The following HHIPL1 variants were observed in gnomAD, a reference collection of about 807,000 sequenced individuals.
HHIPL1 encodes the protein HHIP like 1, also known as HHIP-like protein 1.
HHIPL1 carries 43 observed loss-of-function variants against 61.8 expected under a neutral mutation model. The observed-to-expected ratio is 0.70, with a 90% CI of 0.55 to 0.90. The LOEUF (loss-of-function observed/expected upper bound fraction) is 0.90. HHIPL1 is among the 40% of genes least tolerant of loss of function. HHIPL1 has a pLI of 0.00. For synonymous variants in HHIPL1, 482 were observed against 515.8 expected, an observed-to-expected ratio of 0.93 and a Z score of 0.89; for missense variants, 1,056 against 1,157.7, an observed-to-expected ratio of 0.91 and a Z score of 1.28.
At chr14:99,670,114 CT>C (rs766131828) in intron 7 of HHIPL1, among the ~76,000 whole-genome samples, 453 of 144,296 alleles carry the variant, frequency 3.1e-3, no homozygotes, top group Non-Finnish European at 3.9e-3. Flanking sequence ...CAGTCTTTTA[CT>C]TTTTTTTTTT....
chr14:99,662,374 G>A (rs1397804310), intron 5 of HHIPL1, among the ~76,000 whole-genome samples: 1 of 152,208 alleles, frequency 6.6e-6, no homozygotes, highest in Non-Finnish European at 1.5e-5. Context: ...TTCCAAAGAT[G>A]TTGGAGCTCC....
At chr14:99,641,733 G>A (rs2055755021), upstream of HHIPL1, among the ~76,000 whole-genome samples, 1 of 151,820 alleles carries the variant, frequency 6.6e-6, no homozygotes, top group South Asian at 2.1e-4. Flanking sequence ...GGTTTCTAAT[G>A]TTTGCTGTAA....
Position 99,668,032 on chromosome 14 carries a change from C to T in HHIPL1, c.1649-190C>T, listed in dbSNP as rs146660698. On this transcript the variant is annotated intron_variant, in intron 6 of 8. Coordinates refer to ENST00000330710, the MANE Select transcript of HHIPL1 (RefSeq NM_001127258.3). The surrounding 1 kb of genome is among the most constrained non-coding windows in gnomAD (Gnocchi z 4.7). ...GCTCCAGAGGCCCTTGGGTACAACC[C>T]AACTCCTCACCCAGCCTCACTTCCT... is the stretch of plus-strand genomic sequence containing the variant. Among the ~76,000 whole-genome samples, 2 of 152,296 alleles carry T rather than the reference C, an allele frequency of 1.3e-5. No individual in the cohort carries two copies. The highest frequency in any genetic ancestry group is 3.9e-4 in the East Asian group (2 of 5,174).
At chr14:99,633,704 C>A in the HHIPL1 span, among the ~76,000 whole-genome samples, 1 of 152,356 alleles carries the variant, frequency 6.6e-6, no homozygotes, top group Admixed American at 6.5e-5. Context: ...AGGACCCCGC[C>A]CTCCCTTACA....
At chr14:99,633,544 G>C in the HHIPL1 span, among the ~76,000 whole-genome samples, 7 of 152,226 alleles carry the variant, frequency 4.6e-5, no homozygotes, top group African/African-American at 1.4e-4. Flanking sequence ...GGGCCGTGAA[G>C]CTGGGATGAG....
At chr14:99,664,491 C>CA (rs2056209226) in intron 6 of HHIPL1, among the ~76,000 whole-genome samples, 4 of 151,590 alleles carry the variant, frequency 2.6e-5, no homozygotes, top group African/African-American at 9.8e-5. Context: ...TGAGTGACAC[C>CA]CGAGTGTGGA....
chr14:99,605,971 A>T, the HHIPL1 span, among the ~76,000 whole-genome samples: 1 of 151,510 alleles, frequency 6.6e-6, no homozygotes, highest in Non-Finnish European at 1.5e-5. Context: ...ACAGCTGGGG[A>T]GGCAGTGGGG....
the HHIPL1 span, among the ~76,000 whole-genome samples, chr14:99,636,160 G>T: frequency 1.3e-5 from 2 of 152,204 alleles, no homozygotes; most frequent in African/African-American, 2.4e-5. Context: ...GGTGGGGAAT[G>T]ACTGGCCCAG....
Position 99,660,140 on chromosome 14 carries a change from TGTGGG to T in HHIPL1, c.1376-139_1376-135del. On this transcript the variant is annotated intron_variant, in intron 4 of 8. Transcript: ENST00000330710. This position sits in a 1 kb window ranked among gnomAD's most constrained non-coding sequence, Gnocchi z 4.9. ...ACGCTTTCCACCACGCCAGCCCTGC[TGTGGG>T]CACGCCAGCCCTGCTGTGGGCACGC... The T allele has an allele frequency of 3.6e-5, 27 of 752,588 alleles. 1 individual carries two copies. The highest frequency in any genetic ancestry group is 1.7e-4 in the South Asian group (7 of 41,046). 46.6% of individuals were successfully genotyped at this position (752,588 alleles called of 1,614,324 possible).
chr14:99,673,884 G>A (rs568793030), intron 8 of HHIPL1, among the ~76,000 whole-genome samples: 111 of 103,154 alleles, frequency 1.1e-3, no homozygotes, highest in African/African-American at 4.1e-3. Flanking sequence ...ACGGGGGGGT[G>A]CACCTGGGGG....
At chr14:99,670,085 T>C (rs1384547488) in intron 7 of HHIPL1, among the ~76,000 whole-genome samples, 1 of 151,982 alleles carries the variant, frequency 6.6e-6, no homozygotes, top group Non-Finnish European at 1.5e-5. Context: ...CCATCACTAT[T>C]AATTAAACTC....
At chr14:99,633,707 C>G in the HHIPL1 span, among the ~76,000 whole-genome samples, 1 of 152,258 alleles carries the variant, frequency 6.6e-6, no homozygotes, top group Non-Finnish European at 1.5e-5. Context: ...ACCCCGCCCT[C>G]CCTTACAGGG....
At chr14:99,653,465 T>C (rs2055974306) in intron 2 of HHIPL1, among the ~76,000 whole-genome samples, 1 of 152,218 alleles carries the variant, frequency 6.6e-6, no homozygotes, top group African/African-American at 2.4e-5. Flanking sequence ...CCTGAGTAAC[T>C]GGGACTACAG....
intron 1 of HHIPL1, among the ~76,000 whole-genome samples, chr14:99,647,488 C>T (rs988591904): frequency 1.3e-5 from 2 of 152,222 alleles, no homozygotes; most frequent in African/African-American, 4.8e-5. Flanking sequence ...CTGATGCTGT[C>T]CCCTGGCAGG....
intron 2 of HHIPL1, among the ~76,000 whole-genome samples, chr14:99,653,205 G>A (rs1347262852): frequency 6.6e-6 from 1 of 152,198 alleles, no homozygotes; most frequent in African/African-American, 2.4e-5. Context: ...AGAAAGTGGA[G>A]GCTTAGAAAG....
chr14:99,645,206 C>T lies in HHIPL1; in HGVS notation c.-2C>T. On this transcript the variant is annotated 5_prime_UTR_variant, in exon 1 of 9. Transcript: ENST00000330710. ...CCGCCTCTTCCCCCGCGGGGCGTAG[C>T]GATGGCCCGGGCCAGGGCCGGGGCG... The T allele has an allele frequency of 7.8e-7, 1 of 1,282,694 alleles. No individual in the cohort carries two copies. 79.5% of individuals were successfully genotyped at this position (1,282,694 alleles called of 1,614,324 possible).
intron 7 of HHIPL1, among the ~76,000 whole-genome samples, chr14:99,671,055 A>T (rs951775779): frequency 2.0e-5 from 3 of 152,112 alleles, no homozygotes; most frequent in Admixed American, 6.5e-5. Flanking sequence ...GTCTTGTGTT[A>T]GGAGCCAGAA....
chr14:99,636,575 C>T, the HHIPL1 span, among the ~76,000 whole-genome samples: 4 of 152,078 alleles, frequency 2.6e-5, no homozygotes, highest in Non-Finnish European at 4.4e-5. Flanking sequence ...GATCTACAGA[C>T]GGTGGCACTG....
intron 7 of HHIPL1, among the ~76,000 whole-genome samples, chr14:99,670,514 C>T (rs1167794812): frequency 1.3e-5 from 2 of 152,178 alleles, no homozygotes; most frequent in Non-Finnish European, 2.9e-5. Context: ...TTAGCTTTCC[C>T]CTGTTTGTGT....
Sources: allele counts gnomAD v4.1 joint callset (sites outside exome capture counted in the v4.1 genomes callset), GRCh38; gene constraint gnomAD v4.1.1; non-coding constraint Gnocchi (gnomAD v3.1); transcripts MANE v1.5; gene names NCBI Gene and HGNC (gene_info 2026-07-23, HGNC 2026-07-21).